Variants in SSBP3 observed in about 807,000 individuals in gnomAD.
SSBP3 encodes single-stranded DNA-binding protein 3.
A neutral mutation model predicts 69.6 loss-of-function variants in SSBP3; 5 were observed. The observed-to-expected ratio is 0.07, with a 90% CI of 0.04 to 0.15. SSBP3 has a LOEUF of 0.15. SSBP3 is among the 10% of genes least tolerant of loss of function. The pLI, the probability that SSBP3 is intolerant of heterozygous loss-of-function variation, is 1.00. For synonymous variants in SSBP3, 196 were observed against 193.4 expected (o/e 1.01, Z -0.11); for missense variants, 312 against 534.0 (o/e 0.58, Z 4.10).
At chr1:54,244,766 G>T (rs1264085978) in intron 9 of SSBP3, among the ~76,000 whole-genome samples, 3 of 152,112 alleles carry the variant, frequency 2.0e-5, no homozygotes, top group Non-Finnish European at 2.9e-5. Flanking sequence ...TCCCTGCTTG[G>T]CAGGCTCCTA....
chr1:54,270,753 G>A (rs1448595944), intron 5 of SSBP3, among the ~76,000 whole-genome samples: 1 of 152,168 alleles, frequency 6.6e-6, no homozygotes, highest in Non-Finnish European at 1.5e-5. Context: ...GACACCAGGT[G>A]GGGCTTCATA....
At chr1:54,359,234 G>C (rs1646915890) in intron 4 of SSBP3, among the ~76,000 whole-genome samples, 1 of 139,504 alleles carries the variant, frequency 7.2e-6, no homozygotes, top group Admixed American at 7.3e-5. Flanking sequence ...AAAAAAAGCT[G>C]TCATAGGAAG....
At chr1:54,411,488 A>AG (rs1274877206) in intron 1 of SSBP3, among the ~76,000 whole-genome samples, 2 of 151,086 alleles carry the variant, frequency 1.3e-5, no homozygotes, top group South Asian at 4.2e-4. Flanking sequence ...GAAAAAAAAA[A>AG]AAAGAATTTA....
At chr1:54,247,765 G>A (rs940542206) in intron 9 of SSBP3, among the ~76,000 whole-genome samples, 11 of 152,182 alleles carry the variant, frequency 7.2e-5, no homozygotes, top group African/African-American at 2.4e-4. Context: ...GGTGGGGGCT[G>A]GCATTCTCTC....
At chr1:54,310,128 G>A (rs1645973754) in intron 4 of SSBP3, among the ~76,000 whole-genome samples, 3 of 152,198 alleles carry the variant, frequency 2.0e-5, no homozygotes, top group Non-Finnish European at 4.4e-5. Context: ...CATGTCCCGA[G>A]CAGGTGAACA....
intron 4 of SSBP3, among the ~76,000 whole-genome samples, chr1:54,399,380 A>T (rs1649129659): frequency 6.6e-6 from 1 of 152,162 alleles, no homozygotes; most frequent in African/African-American, 2.4e-5. Flanking sequence ...GGAATTAACC[A>T]CTGTGTGCCT....
chr1:54,306,780 T>C (rs552895465), intron 4 of SSBP3, among the ~76,000 whole-genome samples: 1 of 151,968 alleles, frequency 6.6e-6, no homozygotes, highest in Non-Finnish European at 1.5e-5. Context: ...CTGGGCAACA[T>C]AGCGAGACCT....
chr1:54,308,600 C>CAAAAAA lies in SSBP3; in HGVS notation c.277-27079_277-27074dup, dbSNP rs397862361. Reference sequence around the variant, plus strand: ...TGGCCGACAGAGCGAGACTCCATCTCAAAAAAAAAAAAAAAAAATTAGCCG... The same window carrying CAAAAAA: ...TGGCCGACAGAGCGAGACTCCATCTCAAAAAAAAAAAAAAAAAAAAAAAATTAGCCG... On this transcript the variant is annotated intron_variant, in intron 4 of 17. Coordinates refer to ENST00000610401, the Ensembl canonical transcript of SSBP3. Among the ~76,000 whole-genome samples the CAAAAAA allele has an allele frequency of 3.6e-4, 36 of 101,152 alleles. 1 individual carries two copies. Among genetic ancestry groups the CAAAAAA allele is most frequent in the African/African-American group, 1.3e-3 (36 of 27,712 alleles). The allele number at this position is 101,152 out of a possible 152,430, so 66.4% of individuals were successfully genotyped here.
At chr1:54,304,484 C>A (rs1287765566) in intron 4 of SSBP3, among the ~76,000 whole-genome samples, 1 of 152,166 alleles carries the variant, frequency 6.6e-6, no homozygotes, top group Non-Finnish European at 1.5e-5. Context: ...AGTGAAGGGG[C>A]TCCCCAGGGA....
chr1:54,273,189 C>T (rs1015855960), intron 5 of SSBP3, among the ~76,000 whole-genome samples: 1 of 152,220 alleles, frequency 6.6e-6, no homozygotes, highest in Non-Finnish European at 1.5e-5. Context: ...GCTAACTGGG[C>T]GGCAGACATT....
intron 3 of SSBP3, among the ~76,000 whole-genome samples, chr1:54,402,571 C>A (rs1419379577): frequency 6.6e-6 from 1 of 151,518 alleles, no homozygotes; most frequent in Non-Finnish European, 1.5e-5. Context: ...GCAAGAACCA[C>A]TCCTCCCTCC....
intron 4 of SSBP3, among the ~76,000 whole-genome samples, chr1:54,349,638 C>T (rs1160648015): frequency 6.6e-6 from 1 of 151,898 alleles, no homozygotes; most frequent in Non-Finnish European, 1.5e-5. Flanking sequence ...TTTAGCCATG[C>T]CACCTTAGTT....
At chr1:54,310,246 C>T (rs756064857) in intron 4 of SSBP3, among the ~76,000 whole-genome samples, 3 of 152,178 alleles carry the variant, frequency 2.0e-5, no homozygotes, top group East Asian at 1.9e-4. Context: ...TGGGATGATT[C>T]TTCAACTCTC....
chr1:54,318,910 T>C (rs184081476), intron 4 of SSBP3, among the ~76,000 whole-genome samples: 31 of 152,328 alleles, frequency 2.0e-4, no homozygotes, highest in Non-Finnish European at 3.8e-4. Flanking sequence ...ATCCGGCACC[T>C]TTCCCTGCTA....
intron 4 of SSBP3, among the ~76,000 whole-genome samples, chr1:54,351,975 A>T (rs1646787196): frequency 6.6e-6 from 1 of 152,228 alleles, no homozygotes; most frequent in African/African-American, 2.4e-5. Flanking sequence ...ACAGGCTTCC[A>T]CAGCATGGAA....
intron 9 of SSBP3, among the ~76,000 whole-genome samples, chr1:54,250,677 C>T (rs1396837472): frequency 1.3e-5 from 2 of 152,278 alleles, no homozygotes; most frequent in African/African-American, 4.8e-5. Context: ...GGAAAGAACA[C>T]CTGAGAACAA....
intron 5 of SSBP3, among the ~76,000 whole-genome samples, chr1:54,262,574 C>A (rs1286702290): frequency 6.6e-6 from 1 of 152,162 alleles, no homozygotes; most frequent in Non-Finnish European, 1.5e-5. Context: ...AGGCTAAGGA[C>A]AAAAACGATT....
At chr1:54,244,849 T>C (rs1397248666) in intron 9 of SSBP3, among the ~76,000 whole-genome samples, 2 of 152,078 alleles carry the variant, frequency 1.3e-5, no homozygotes, top group African/African-American at 4.8e-5. Context: ...TCCAGCCCTG[T>C]TACTCCCACA....
At chr1:54,254,796 G>T (rs1195911035) in intron 7 of SSBP3, among the ~76,000 whole-genome samples, 1 of 152,166 alleles carries the variant, frequency 6.6e-6, no homozygotes, top group Non-Finnish European at 1.5e-5. Context: ...GAGGTCACAG[G>T]AAACTGGAAA....
Sources: allele counts gnomAD v4.1 joint callset (sites outside exome capture counted in the v4.1 genomes callset), GRCh38; gene constraint gnomAD v4.1.1; transcripts MANE v1.5; gene names NCBI Gene and HGNC (gene_info 2026-07-23, HGNC 2026-07-21).